Variants in SRP72 observed in about 807,000 individuals in gnomAD.
The protein encoded by SRP72 is signal recognition particle subunit SRP72.
A neutral mutation model predicts 96.3 loss-of-function variants in SRP72; 49 were observed. That is an observed-to-expected ratio of 0.51 (90% CI 0.40 to 0.65). The LOEUF (loss-of-function observed/expected upper bound fraction) is 0.65. Ranked by LOEUF, SRP72 falls within the 30% of genes least tolerant of loss-of-function variation. The pLI is 0.00. For missense variants in SRP72, 736 were observed against 793.3 expected, an observed-to-expected ratio of 0.93 and a Z score of 0.87; for synonymous variants, 267 against 275.2, an observed-to-expected ratio of 0.97 and a Z score of 0.30.
chr4:56,478,154 C>CT (rs796835545), intron 6 of SRP72, among the ~76,000 whole-genome samples: 1,488 of 115,752 alleles, frequency 0.013, 14 homozygotes, highest in Non-Finnish European at 0.021. Flanking sequence ...TTTGCCTTTT[C>CT]TTTTTTTTTT....
At chr4:56,474,716 G>T (rs1436725849) in intron 5 of SRP72, among the ~76,000 whole-genome samples, 1 of 151,922 alleles carries the variant, frequency 6.6e-6, no homozygotes, top group Non-Finnish European at 1.5e-5. Flanking sequence ...GCTAATTTTT[G>T]TATGTTTAGT....
chr4:56,491,367 T>C, intron 15 of SRP72, 64 bp from the exon 16 acceptor site: 1 of 1,553,374 alleles, frequency 6.4e-7, no homozygotes, highest in South Asian at 1.2e-5. Flanking sequence ...TTGGCAAACA[T>C]ATATATCTAT....
chr4:56,489,437 C>T lies in SRP72; in HGVS notation c.1274C>T (p.Ala425Val). Residue 425 changes from alanine (A) to valine (V), a missense_variant, in exon 13 of 19, where the codon GCC becomes GTC. This residue lies in a region of SRP72 where 388 missense variants were observed against 431.8 expected (regional missense o/e 0.90). Coordinates refer to ENST00000642900, the MANE Select transcript of SRP72 (RefSeq NM_006947.4). ...AGCCATGAAGAAGATATTGATAGTGCCATTGAGGTCTTCACACAAGCTATC... is the reference window on the plus strand; with the variant it reads ...AGCCATGAAGAAGATATTGATAGTGTCATTGAGGTCTTCACACAAGCTATC... ...MYSHEEDIDS[A>V]IEVFTQAIQW... 6.2e-7 allele frequency: 1 copy of T among 1,601,032 alleles called. No homozygotes were observed. The highest frequency in any genetic ancestry group is 8.5e-7 in the Non-Finnish European group (1 of 1,171,260).
At chr4:56,488,900 C>T (rs1378604035) in intron 12 of SRP72, among the ~76,000 whole-genome samples, 1 of 152,050 alleles carries the variant, frequency 6.6e-6, no homozygotes, top group African/African-American at 2.4e-5. Context: ...TCCTCATCTC[C>T]TACTGCTCAG....
At chr4:56,490,250 C>A in intron 13 of SRP72, 83 bp from the exon 14 acceptor site, 1 of 1,081,494 alleles carries the variant, frequency 9.2e-7, no homozygotes, top group South Asian at 1.6e-5. Context: ...AGGTGTATTT[C>A]TTAAAGGTCT....
chr4:56,473,319 G>C (rs1426046309), intron 3 of SRP72, among the ~76,000 whole-genome samples: 5 of 152,038 alleles, frequency 3.3e-5, no homozygotes, highest in African/African-American at 1.2e-4. Context: ...AATTAGCCAG[G>C]TGTGGTGGCG....
chr4:56,490,613 T>C lies in SRP72; in HGVS notation c.1470T>C (p.Ala490=). 1 of 1,614,032 alleles carries C rather than the reference T, an allele frequency of 6.2e-7. No homozygotes were observed. The highest frequency in any genetic ancestry group is 8.5e-7 in the Non-Finnish European group (1 of 1,179,958). Residue 490 remains alanine, a synonymous_variant, in exon 15 of 19, where the codon GCT becomes GCC. Transcript: ENST00000642900. ...DIHTLAQLIS[A]YSLVDPEKAK... Reference sequence around the variant, plus strand: ...ACACCCTGGCACAGCTTATTTCTGCTTACTCACTTGTAGATCCAGAGAAAG... The same window carrying C: ...ACACCCTGGCACAGCTTATTTCTGCCTACTCACTTGTAGATCCAGAGAAAG...
intron 8 of SRP72, among the ~76,000 whole-genome samples, chr4:56,480,012 A>G (rs575371036): frequency 1.3e-5 from 2 of 152,298 alleles, no homozygotes; most frequent in East Asian, 3.9e-4. Context: ...CATAAGAGGA[A>G]AAACTTGGAT....
intron 18 of SRP72, among the ~76,000 whole-genome samples, chr4:56,501,309 G>A (rs1721254865): frequency 6.6e-6 from 1 of 152,158 alleles, no homozygotes; most frequent in Non-Finnish European, 1.5e-5. Flanking sequence ...TCGGGTGGTT[G>A]AGGCAGGAGA....
chr4:56,485,802 GA>G (rs1044674650), intron 10 of SRP72, among the ~76,000 whole-genome samples: 4 of 150,144 alleles, frequency 2.7e-5, no homozygotes, highest in Admixed American at 2.7e-4. Flanking sequence ...CTCCGCCTCA[GA>G]AAAAAAAAGC....
intron 3 of SRP72, among the ~76,000 whole-genome samples, chr4:56,473,466 A>AG (rs952794942): frequency 2.0e-5 from 3 of 151,480 alleles, no homozygotes; most frequent in Admixed American, 6.6e-5. Context: ...TCAAAAAAAA[A>AG]AAAAGAAAAT....
Position 56,490,548 on chromosome 4 carries a change from T to A in SRP72, c.1425-20T>A, listed in dbSNP as rs548028360. 1 of 1,610,804 alleles carries A rather than the reference T, an allele frequency of 6.2e-7. No individual in the cohort carries two copies. Among genetic ancestry groups the A allele is most frequent in the African/African-American group, 1.3e-5 (1 of 74,878 alleles). On this transcript the variant is annotated intron_variant, in intron 14 of 18. Coordinates refer to ENST00000642900, the MANE Select transcript of SRP72 (RefSeq NM_006947.4). ...CCAGTTTTATAAACAGTTCAATAAT[T>A]TTCTTATTTCTTCTTTTAGACAAAA...
At chr4:56,482,430 A>G (rs1482100285) in intron 8 of SRP72, among the ~76,000 whole-genome samples, 1 of 147,610 alleles carries the variant, frequency 6.8e-6, no homozygotes, top group African/African-American at 2.5e-5. Flanking sequence ...CCTGGGTGAC[A>G]GAGCGAGACT....
chr4:56,483,770 T>C (rs1333563085), intron 9 of SRP72, among the ~76,000 whole-genome samples: 1 of 152,198 alleles, frequency 6.6e-6, no homozygotes, highest in Non-Finnish European at 1.5e-5. Flanking sequence ...TGACACCTTT[T>C]AAGGGGAAGA....
chr4:56,502,108 A>G lies in SRP72; in HGVS notation c.*247A>G, dbSNP rs1721279870. The G allele has an allele frequency of 6.6e-6, 3 of 452,674 alleles. No homozygotes were observed. Among genetic ancestry groups the G allele is most frequent in the East Asian group, 8.8e-5 (2 of 22,726 alleles). 28.0% of individuals were successfully genotyped at this position (452,674 alleles called of 1,614,324 possible). On this transcript the variant is annotated 3_prime_UTR_variant, in exon 19 of 19. Transcript: ENST00000642900. ...TAATTGGGCATTTACCCATCTTGGT[A>G]TCTGTTGTATCCTTTATCTGTGTGT... is the stretch of plus-strand genomic sequence containing the variant.
chr4:56,469,392 A>T (rs1378176707), intron 1 of SRP72, among the ~76,000 whole-genome samples: 1 of 152,196 alleles, frequency 6.6e-6, no homozygotes, highest in Non-Finnish European at 1.5e-5. Context: ...CTTTTTTGGT[A>T]CATGTATATT....
intron 12 of SRP72, chr4:56,489,070 T>A (rs541904038): frequency 4.7e-4 from 94 of 198,536 alleles, no homozygotes; most frequent in Non-Finnish European, 8.1e-4. Context: ...CACTTAAATG[T>A]CCAGCAGTGT....
At chr4:56,474,487 A>C in intron 5 of SRP72, 96 bp downstream of exon 5, 1 of 1,053,646 alleles carries the variant, frequency 9.5e-7, no homozygotes, top group Non-Finnish European at 1.4e-6. Context: ...AAATTATTAA[A>C]TGGAAGTTAT....
intron 1 of SRP72, among the ~76,000 whole-genome samples, chr4:56,468,038 T>G (rs1356998851): frequency 6.6e-6 from 1 of 152,236 alleles, no homozygotes; most frequent in Admixed American, 6.5e-5. Flanking sequence ...CGGAGTCCAT[T>G]TCAAACTGTT....
Sources: allele counts gnomAD v4.1 joint callset (sites outside exome capture counted in the v4.1 genomes callset), GRCh38; gene constraint gnomAD v4.1.1; regional missense constraint gnomAD v4.1.1; transcripts MANE v1.5; gene names NCBI Gene and HGNC (gene_info 2026-07-23, HGNC 2026-07-21).